Variants in KLHL29 observed in about 807,000 individuals in gnomAD.
KLHL29 encodes kelch like family member 29, also known as kelch-like protein 29.
Under a neutral mutation model 80.4 loss-of-function variants are expected in KLHL29, and 21 were observed. The observed-to-expected ratio is 0.26, with a 90% CI of 0.19 to 0.38. KLHL29 has a LOEUF of 0.38. Among genes scored for constraint, KLHL29 ranks in the 10% least tolerant of loss-of-function variants. KLHL29 has a pLI of 1.00. For synonymous variants in KLHL29, 511 were observed against 526.8 expected (o/e 0.97, Z 0.41); for missense variants, 867 against 1,223.9 (o/e 0.71, Z 4.35).
At chr2:23,577,026 TCCA>T (rs1006184374) in intron 3 of KLHL29, among the ~76,000 whole-genome samples, 26 of 152,324 alleles carry the variant, frequency 1.7e-4, no homozygotes, top group Admixed American at 1.6e-3. Flanking sequence ...CCTGAAGGAC[TCCA>T]CCACCTGCTG....
chr2:23,486,320 T>C (rs1004371252), intron 2 of KLHL29, among the ~76,000 whole-genome samples: 18 of 151,988 alleles, frequency 1.2e-4, no homozygotes, highest in Admixed American at 4.6e-4. Context: ...AGCCCAAACC[T>C]GGACAGTGAT....
intron 3 of KLHL29, among the ~76,000 whole-genome samples, chr2:23,569,654 G>A (rs1333666235): frequency 6.6e-6 from 1 of 151,996 alleles, no homozygotes; most frequent in African/African-American, 2.4e-5. Flanking sequence ...AATCTAAACA[G>A]CCAAATTACA....
chr2:23,479,360 T>C (rs987682130), intron 2 of KLHL29, among the ~76,000 whole-genome samples: 3 of 151,994 alleles, frequency 2.0e-5, no homozygotes, highest in African/African-American at 4.8e-5. Flanking sequence ...GCTCCGCACC[T>C]TTCCATCAAC....
At chr2:23,492,618 CAG>C (rs1665136690) in intron 2 of KLHL29, among the ~76,000 whole-genome samples, 1 of 152,168 alleles carries the variant, frequency 6.6e-6, no homozygotes, top group African/African-American at 2.4e-5. Flanking sequence ...AATTAAGAAC[CAG>C]AGAGTTCCAT....
intron 2 of KLHL29, among the ~76,000 whole-genome samples, chr2:23,545,594 G>T (rs77496049): frequency 0.03 from 4,551 of 152,300 alleles, 96 homozygotes; most frequent in South Asian, 0.056. Flanking sequence ...GCGAAAGGGG[G>T]TGCTGGCATC....
chr2:23,574,123 C>T (rs1667784897), intron 3 of KLHL29, among the ~76,000 whole-genome samples: 1 of 152,130 alleles, frequency 6.6e-6, no homozygotes, highest in African/African-American at 2.4e-5. Flanking sequence ...AGAGCAGCCA[C>T]GATTTGCCAC....
intron 5 of KLHL29, among the ~76,000 whole-genome samples, chr2:23,673,973 T>A (rs991314314): frequency 2.0e-5 from 3 of 152,170 alleles, no homozygotes; most frequent in African/African-American, 7.2e-5. Flanking sequence ...GTCCCTAACA[T>A]GGCCCTCTCA....
chr2:23,554,777 C>T (rs1417208715), intron 2 of KLHL29, among the ~76,000 whole-genome samples: 1 of 152,190 alleles, frequency 6.6e-6, no homozygotes, highest in Admixed American at 6.5e-5. Context: ...CACAGAGGCT[C>T]ATGGCGACTC....
chr2:23,608,106 C>G (rs1044459657), intron 3 of KLHL29, among the ~76,000 whole-genome samples: 3 of 152,208 alleles, frequency 2.0e-5, no homozygotes, highest in African/African-American at 7.2e-5. Flanking sequence ...CAAAATGTCA[C>G]CTTTTGTTGT....
intron 1 of KLHL29, among the ~76,000 whole-genome samples, chr2:23,420,517 C>T (rs1003968651): frequency 2.6e-5 from 4 of 152,174 alleles, no homozygotes; most frequent in Non-Finnish European, 4.4e-5. Context: ...GCTCACAAAG[C>T]GACTGCTGCC....
chr2:23,487,783 C>G (rs1402741414), intron 2 of KLHL29, among the ~76,000 whole-genome samples: 1 of 152,160 alleles, frequency 6.6e-6, no homozygotes, highest in Non-Finnish European at 1.5e-5. Context: ...GTTTTTTCTT[C>G]TCAGGGAAAA....
chr2:23,663,135 C>T (rs1405629628), intron 5 of KLHL29, among the ~76,000 whole-genome samples: 3 of 152,186 alleles, frequency 2.0e-5, no homozygotes, highest in African/African-American at 7.2e-5. Flanking sequence ...CTCCTCGCTG[C>T]TCCTCGCTAC....
At chr2:23,425,765 A>G (rs1662989458) in intron 1 of KLHL29, among the ~76,000 whole-genome samples, 1 of 152,224 alleles carries the variant, frequency 6.6e-6, no homozygotes, top group South Asian at 2.1e-4. Flanking sequence ...ACTGGCTGTC[A>G]CATGACTTGG....
intron 3 of KLHL29, among the ~76,000 whole-genome samples, chr2:23,576,463 G>A (rs1667846186): frequency 6.6e-6 from 1 of 152,190 alleles, no homozygotes; most frequent in South Asian, 2.1e-4. Flanking sequence ...GAGATTAGAA[G>A]GGAACGTTAT....
chr2:23,449,389 A>G (rs759800664), intron 1 of KLHL29, among the ~76,000 whole-genome samples: 1 of 152,186 alleles, frequency 6.6e-6, no homozygotes, highest in Non-Finnish European at 1.5e-5. Context: ...AAAACAGTAG[A>G]CATGTAATAT....
rs1289544865 is a variant in KLHL29, at chr2:23,681,582, A to G, written c.941-2817A>G. Among the ~76,000 whole-genome samples the G allele has an allele frequency of 3.9e-5, 6 of 152,280 alleles. No individual in the cohort carries two copies. The highest frequency in any genetic ancestry group is 3.4e-3 in the Middle Eastern group (1 of 294). On this transcript the variant is annotated intron_variant, in intron 5 of 13. Transcript: ENST00000486442. This position sits in a 1 kb window ranked among gnomAD's most constrained non-coding sequence, Gnocchi z 4.2. Reference sequence around the variant, plus strand: ...TAACTCAGCAGGCATGTGGGGCCACATCTGTCACTCTCTGCAGCATGACAC... The same window carrying G: ...TAACTCAGCAGGCATGTGGGGCCACGTCTGTCACTCTCTGCAGCATGACAC...
rs1345149421 is a variant in KLHL29, at chr2:23,680,212, G to A, written c.941-4187G>A. ...CCTAGGGCAGGAGAGGCTGGATCCT[G>A]AGAATTCTAGGAGGTAAAAAGATGG... On this transcript the variant is annotated intron_variant, in intron 5 of 13. Coordinates refer to ENST00000486442, the MANE Select transcript of KLHL29 (RefSeq NM_052920.2). This position sits in a 1 kb window ranked among gnomAD's most constrained non-coding sequence, Gnocchi z 4.1. Among the ~76,000 whole-genome samples the A allele has an allele frequency of 6.6e-6, 1 of 152,148 alleles. No homozygotes were observed. The highest frequency in any genetic ancestry group is 1.5e-5 in the Non-Finnish European group (1 of 68,016).
intron 2 of KLHL29, among the ~76,000 whole-genome samples, chr2:23,499,186 T>G (rs1665360400): frequency 6.6e-6 from 1 of 152,170 alleles, no homozygotes; most frequent in African/African-American, 2.4e-5. Context: ...AAGCCAGGCC[T>G]GGGTACTCAG....
At chr2:23,573,928 C>T (rs983568686) in intron 3 of KLHL29, among the ~76,000 whole-genome samples, 2 of 152,184 alleles carry the variant, frequency 1.3e-5, no homozygotes, top group African/African-American at 2.4e-5. Flanking sequence ...AGTTCCTTCG[C>T]AGAAGGGCAG....
Sources: allele counts gnomAD v4.1 joint callset (sites outside exome capture counted in the v4.1 genomes callset), GRCh38; gene constraint gnomAD v4.1.1; non-coding constraint Gnocchi (gnomAD v3.1); transcripts MANE v1.5; gene names NCBI Gene and HGNC (gene_info 2026-07-23, HGNC 2026-07-21).